The following CNNM2 variants were observed in gnomAD, a reference collection of about 807,000 sequenced individuals.
CNNM2 encodes the protein cyclin and CBS domain divalent metal cation transport mediator 2.
CNNM2 carries 12 observed loss-of-function variants against 66.9 expected under a neutral mutation model. The ratio of observed to expected loss-of-function variants is 0.18; its 90% CI spans 0.11 to 0.29. The LOEUF (loss-of-function observed/expected upper bound fraction) is 0.29. CNNM2 is among the 10% of genes least tolerant of loss of function. The probability of loss-of-function intolerance (pLI) is 1.00; values close to 1 mark genes in which losing one functional copy is unlikely to be tolerated. For missense variants in CNNM2, 705 were observed against 1,167.7 expected, an observed-to-expected ratio of 0.60 and a Z score of 5.77; for synonymous variants, 557 against 501.8, an observed-to-expected ratio of 1.11 and a Z score of -1.47.
rs1010147519 is a variant in CNNM2, at chr10:102,999,304, G to A, written c.1622-50403G>A. ...TCACCAGGTTAGCCAGGATGGTCTCGATCTCCTGACCTTGTGATCTGCCCG... is the reference window on the plus strand; with the variant it reads ...TCACCAGGTTAGCCAGGATGGTCTCAATCTCCTGACCTTGTGATCTGCCCG... On this transcript the variant is annotated intron_variant, in intron 1 of 7. Transcript: ENST00000369878. Among the ~76,000 whole-genome samples the A allele has an allele frequency of 1.6e-4, 23 of 145,958 alleles. No homozygotes were observed. In the East Asian group the frequency reaches 4.3e-3, roughly 27 times the overall value.
intron 1 of CNNM2, among the ~76,000 whole-genome samples, chr10:103,002,591 T>C (rs903192295): frequency 3.3e-5 from 5 of 151,754 alleles, no homozygotes; most frequent in African/African-American, 9.7e-5. Flanking sequence ...GTGATTCTCC[T>C]GCCTCAGTCT....
chr10:103,074,073 A>C (rs1590510420), intron 6 of CNNM2, among the ~76,000 whole-genome samples: 1 of 151,976 alleles, frequency 6.6e-6, no homozygotes, highest in African/African-American at 2.4e-5. Context: ...GGATCACCTG[A>C]GGTCAGGAGT....
chr10:103,009,061 G>C (rs1173666661), intron 1 of CNNM2, among the ~76,000 whole-genome samples: 1 of 152,174 alleles, frequency 6.6e-6, no homozygotes, highest in African/African-American at 2.4e-5. Flanking sequence ...CGGATGACCT[G>C]AGGTCAGGAG....
rs1173523893 is a variant in CNNM2, at chr10:103,089,555, G to A, written c.*12375G>A. On this transcript the variant is annotated 3_prime_UTR_variant, in exon 8 of 8. Transcript: ENST00000369878. Reference sequence around the variant, plus strand: ...TAAAATCTTCAGAAACTTTTCAGACGTACCTTTCATGGAGCCCCCTCCCTC... The same window carrying A: ...TAAAATCTTCAGAAACTTTTCAGACATACCTTTCATGGAGCCCCCTCCCTC... 1.1e-5 allele frequency: 15 copies of A among 1,415,234 alleles called. No homozygotes were observed. Among genetic ancestry groups the A allele is most frequent in the South Asian group, 1.7e-5 (1 of 58,956 alleles). 87.7% of individuals were successfully genotyped at this position (1,415,234 alleles called of 1,614,324 possible).
chr10:103,009,704 T>C (rs1320679203), intron 1 of CNNM2, among the ~76,000 whole-genome samples: 2 of 112,124 alleles, frequency 1.8e-5, no homozygotes, highest in East Asian at 2.6e-4. Context: ...AAAAAGTATA[T>C]TGGGAGAATG....
intron 1 of CNNM2, among the ~76,000 whole-genome samples, chr10:103,036,355 A>G (rs571055518): frequency 2.0e-5 from 3 of 152,288 alleles, no homozygotes; most frequent in South Asian, 2.1e-4. Flanking sequence ...AGGCCTTCCA[A>G]CTGATTAAGT....
chr10:102,927,544 G>A, intron 1 of CNNM2: 2 of 1,289,766 alleles, frequency 1.6e-6, no homozygotes, highest in Admixed American at 4.9e-5. Flanking sequence ...TGGATCACTT[G>A]AGGTCAGGAG....
In CNNM2 at chr10:102,918,441, C is replaced by T; in HGVS notation, c.-40C>T. On this transcript the variant is annotated 5_prime_UTR_variant, in exon 1 of 8. Transcript: ENST00000369878. The surrounding 1 kb of genome is among the most constrained non-coding windows in gnomAD (Gnocchi z 4.1). The stretch of plus-strand genomic sequence containing the variant: ...GGGCCGGTACCTGCGCTCGCGCCGC[C>T]GGGTTGAAAGGATGAAGCCGCAGCT... 1 of 1,582,956 alleles carries T rather than the reference C, an allele frequency of 6.3e-7. No individual in the cohort carries two copies. Among genetic ancestry groups the T allele is most frequent in the Non-Finnish European group, 8.5e-7 (1 of 1,169,800 alleles).
chr10:102,941,298 G>A (rs1192803369), intron 1 of CNNM2, among the ~76,000 whole-genome samples: 2 of 151,402 alleles, frequency 1.3e-5, no homozygotes, highest in African/African-American at 4.9e-5. Flanking sequence ...AGTAGAGATG[G>A]GGTCTCGCTA....
At chr10:103,049,501 C>T (rs1241646450) in intron 1 of CNNM2, among the ~76,000 whole-genome samples, 3 of 152,164 alleles carry the variant, frequency 2.0e-5, no homozygotes, top group Non-Finnish European at 2.9e-5. Context: ...TGGAGGGTGA[C>T]GCTCTTCTGG....
chr10:102,922,569 A>G (rs1026591315), intron 1 of CNNM2, among the ~76,000 whole-genome samples: 2 of 152,226 alleles, frequency 1.3e-5, no homozygotes, highest in African/African-American at 4.8e-5. Context: ...AAGAAAACCC[A>G]AAACAAAACA....
Position 103,057,378 on chromosome 10 carries a change from G to A in CNNM2, c.2073+414G>A, listed in dbSNP as rs540659552. On this transcript the variant is annotated intron_variant, in intron 4 of 7. Transcript: ENST00000369878. ...CAGCTACTTGGGAGGCTAAGACAGG[G>A]GGCGGGGCGGGGATTGCTTGAGCCC... 2.0e-5 allele frequency among the ~76,000 whole-genome samples: 3 copies of A among 152,038 alleles called. No homozygotes were observed. The South Asian group carries it at 6.2e-4, about 32-fold the overall frequency.
chr10:103,029,707 CA>C (rs377457292), intron 1 of CNNM2, among the ~76,000 whole-genome samples: 1 of 149,332 alleles, frequency 6.7e-6, no homozygotes. Flanking sequence ...ACTAAAAATA[CA>C]AAAAAAAATT....
intron 1 of CNNM2, among the ~76,000 whole-genome samples, chr10:102,969,380 A>G (rs1274878463): frequency 6.7e-6 from 1 of 149,928 alleles, no homozygotes; most frequent in Non-Finnish European, 1.5e-5. Context: ...CGCCTAGCTA[A>G]TTTTTGTATT....
At chr10:103,071,890 C>T in intron 6 of CNNM2, 51 bp downstream of exon 6, 1 of 1,518,420 alleles carries the variant, frequency 6.6e-7, no homozygotes, top group South Asian at 1.1e-5. Flanking sequence ...CTTCCTTGCC[C>T]CCCATCACGC....
chr10:102,927,058 C>T (rs1179129092), intron 1 of CNNM2, among the ~76,000 whole-genome samples: 1 of 151,940 alleles, frequency 6.6e-6, no homozygotes, highest in Non-Finnish European at 1.5e-5. Flanking sequence ...TGTTTACAAG[C>T]GTGAGCCACC....
intron 1 of CNNM2, among the ~76,000 whole-genome samples, chr10:102,955,388 G>T (rs1304266441): frequency 6.6e-6 from 1 of 152,166 alleles, no homozygotes; most frequent in Non-Finnish European, 1.5e-5. Flanking sequence ...GTGGATTAAA[G>T]ACTTAAATGT....
chr10:103,032,407 C>A (rs954235081), intron 1 of CNNM2, among the ~76,000 whole-genome samples: 13 of 152,036 alleles, frequency 8.6e-5, no homozygotes, highest in Admixed American at 2.6e-4. Flanking sequence ...GCCGAGATCA[C>A]CCCACCGCAC....
chr10:103,009,981 C>T (rs575662130), intron 1 of CNNM2, among the ~76,000 whole-genome samples: 5 of 150,246 alleles, frequency 3.3e-5, no homozygotes, highest in Non-Finnish European at 5.9e-5. Context: ...TTGCGAAGAA[C>T]GTATTAAACT....
Sources: gnomAD v4.1 joint callset for allele counts (sites outside exome capture counted in the v4.1 genomes callset) on GRCh38, gnomAD v4.1.1 for gene constraint, Gnocchi (gnomAD v3.1) non-coding constraint, MANE v1.5 for transcripts, NCBI Gene and HGNC (gene_info 2026-07-23, HGNC 2026-07-21) for gene names.